Variants in GPHN observed in about 807,000 individuals in gnomAD.
The protein encoded by GPHN is gephyrin.
GPHN carries 17 observed loss-of-function variants against 95.5 expected under a neutral mutation model. The observed-to-expected ratio is 0.18, with a 90% CI of 0.12 to 0.27. The LOEUF (loss-of-function observed/expected upper bound fraction) is 0.27, where lower values mean the gene tolerates loss of function less well. GPHN is among the 10% of genes least tolerant of loss of function. GPHN has a pLI of 1.00. For synonymous variants in GPHN, 320 were observed against 322.5 expected, an observed-to-expected ratio of 0.99 and a Z score of 0.08; for missense variants, 660 against 978.1, an observed-to-expected ratio of 0.67 and a Z score of 4.34.
At chr14:67,294,242 T>G in the GPHN span, 1 of 152,198 alleles carries the variant, frequency 6.6e-6, no homozygotes, top group African/African-American at 2.4e-5. Flanking sequence ...TGATAGAACG[T>G]GAATGGTTTC....
At chr14:66,771,732 C>A (rs1364599879) in intron 2 of GPHN, among the ~76,000 whole-genome samples, 1 of 121,216 alleles carries the variant, frequency 8.2e-6, no homozygotes, top group Non-Finnish European at 1.7e-5. Flanking sequence ...CCCCTCCCCC[C>A]ACCCCACAAC....
chr14:66,969,284 G>A (rs746525403), intron 9 of GPHN: 4 of 152,064 alleles, frequency 2.6e-5, no homozygotes, highest in Non-Finnish European at 5.9e-5. Flanking sequence ...GACTTTCATT[G>A]TCCTGAGTAA....
At chr14:67,637,576 TA>T in the GPHN span, among the ~76,000 whole-genome samples, 3 of 152,160 alleles carry the variant, frequency 2.0e-5, no homozygotes, top group Non-Finnish European at 2.9e-5. Context: ...AGGGTTCAGA[TA>T]ATCCTAGAAC....
chr14:67,182,066 A>T (rs941354352), downstream of GPHN, among the ~76,000 whole-genome samples: 4 of 152,206 alleles, frequency 2.6e-5, no homozygotes, highest in African/African-American at 9.6e-5. Flanking sequence ...AATAGCAAGC[A>T]AATTTAGAGG....
At chr14:67,249,495 A>T in the GPHN span, among the ~76,000 whole-genome samples, 1 of 152,252 alleles carries the variant, frequency 6.6e-6, no homozygotes, top group African/African-American at 2.4e-5. Context: ...ATATTCACTT[A>T]TTCACTTTTT....
At chr14:66,768,183 T>G (rs1000418998) in intron 2 of GPHN, among the ~76,000 whole-genome samples, 2 of 151,622 alleles carry the variant, frequency 1.3e-5, no homozygotes, top group Admixed American at 6.6e-5. Flanking sequence ...GTATACAGAG[T>G]TGGTATATAT....
intron 1 of GPHN, among the ~76,000 whole-genome samples, chr14:66,601,976 T>C (rs926731141): frequency 1.3e-5 from 2 of 151,994 alleles, no homozygotes; most frequent in Admixed American, 6.5e-5. Context: ...TCAGATTTGG[T>C]GTCCTTGTAA....
the GPHN span, among the ~76,000 whole-genome samples, chr14:67,424,764 C>T: frequency 3.3e-5 from 5 of 152,096 alleles, no homozygotes; most frequent in African/African-American, 1.2e-4. Flanking sequence ...GGGGAGGAAG[C>T]CCACAGGATT....
At chr14:67,551,930 T>C in the GPHN span, among the ~76,000 whole-genome samples, 1 of 151,288 alleles carries the variant, frequency 6.6e-6, no homozygotes, top group Admixed American at 6.6e-5. Context: ...AGACCCGGGA[T>C]GGTGTGGCTC....
At chr14:66,776,754 C>T (rs1000137235) in intron 3 of GPHN, among the ~76,000 whole-genome samples, 1 of 152,082 alleles carries the variant, frequency 6.6e-6, no homozygotes, top group African/African-American at 2.4e-5. Flanking sequence ...GGAACCCTTT[C>T]CTGTGTAGTT....
At chr14:67,561,697 G>C in the GPHN span, among the ~76,000 whole-genome samples, 5 of 151,750 alleles carry the variant, frequency 3.3e-5, no homozygotes, top group African/African-American at 1.2e-4. Context: ...GCGAGAGCTT[G>C]TCTCTACAAA....
At chr14:66,534,551 G>A (rs1220617110) in intron 1 of GPHN, among the ~76,000 whole-genome samples, 1 of 152,058 alleles carries the variant, frequency 6.6e-6, no homozygotes, top group African/African-American at 2.4e-5. Flanking sequence ...AAGAAAACCT[G>A]CTATGAATAT....
At chr14:66,760,403 T>G (rs1315042618) in intron 2 of GPHN, 2 of 160,326 alleles carry the variant, frequency 1.2e-5, no homozygotes, top group African/African-American at 4.8e-5. Flanking sequence ...CTTTGTATAT[T>G]GTAAGAGGTT....
intron 2 of GPHN, among the ~76,000 whole-genome samples, chr14:66,753,323 C>T (rs2058440170): frequency 6.6e-6 from 1 of 151,942 alleles, no homozygotes; most frequent in Non-Finnish European, 1.5e-5. Flanking sequence ...AGAGCTACTC[C>T]CAGGCCTGGA....
At chr14:67,620,524 G>A in the GPHN span, among the ~76,000 whole-genome samples, 1 of 152,192 alleles carries the variant, frequency 6.6e-6, no homozygotes, top group South Asian at 2.1e-4. Flanking sequence ...CTCAGAATGA[G>A]CATTAACTGG....
At chr14:67,644,868 T>C in the GPHN span, among the ~76,000 whole-genome samples, 1 of 151,968 alleles carries the variant, frequency 6.6e-6, no homozygotes, top group African/African-American at 2.4e-5. Flanking sequence ...CATGGTGGCA[T>C]GTGCCTGTAA....
chr14:67,200,823 C>G, the GPHN span, among the ~76,000 whole-genome samples: 1 of 152,192 alleles, frequency 6.6e-6, no homozygotes, highest in Non-Finnish European at 1.5e-5. Context: ...TTTGCACACT[C>G]TAATAAAATT....
At chr14:66,931,855 T>C (rs2066816328) in intron 8 of GPHN, among the ~76,000 whole-genome samples, 1 of 152,248 alleles carries the variant, frequency 6.6e-6, no homozygotes, top group Non-Finnish European at 1.5e-5. Context: ...TACTACAGAC[T>C]TGGTCACTGG....
At chr14:66,725,472 T>TTTTG (rs754202959) in intron 2 of GPHN, among the ~76,000 whole-genome samples, 2 of 152,102 alleles carry the variant, frequency 1.3e-5, no homozygotes, top group Non-Finnish European at 2.9e-5. Flanking sequence ...CAGATAGTGT[T>TTTTG]TTTGTTTGTT....
Sources: allele counts gnomAD v4.1 joint callset (sites outside exome capture counted in the v4.1 genomes callset), GRCh38; gene constraint gnomAD v4.1.1; transcripts MANE v1.5; gene names NCBI Gene and HGNC (gene_info 2026-07-23, HGNC 2026-07-21).